Variants in LAMTOR3 observed in about 807,000 individuals in gnomAD.
LAMTOR3 encodes ragulator complex protein LAMTOR3.
In LAMTOR3, 14 loss-of-function variants were observed where a neutral mutation model predicts 20.3. The observed-to-expected ratio is 0.69, with a 90% CI of 0.46 to 1.08. The LOEUF (loss-of-function observed/expected upper bound fraction) is 1.08, where lower values mean the gene tolerates loss of function less well. Ranked by LOEUF, LAMTOR3 falls within the 50% of genes least tolerant of loss-of-function variation. The pLI is 0.00. For missense variants in LAMTOR3, 125 were observed against 143.7 expected (o/e 0.87, Z 0.67); for synonymous variants, 40 against 49.4 (o/e 0.81, Z 0.80).
chr4:99,887,411 G>A lies in LAMTOR3; in HGVS notation c.45-57C>T, dbSNP rs917376390. On this transcript the variant is annotated intron_variant, in intron 3 of 6. Transcript: ENST00000499666. ...AAGTTAAAATATAAAATTTTAAAAAGTTAAAATATAAAATATTTCATTTTC... is the reference window on the plus strand; with the variant it reads ...AAGTTAAAATATAAAATTTTAAAAAATTAAAATATAAAATATTTCATTTTC... 49 of 775,162 alleles carry A rather than the reference G, an allele frequency of 6.3e-5. No homozygotes were observed. In the African/African-American group the frequency reaches 8.7e-4, roughly 14 times the overall value. The allele number at this position is 775,162 out of a possible 1,614,324, so 48.0% of individuals were successfully genotyped here. A position where few individuals can be genotyped will look rare whatever the true frequency, so the allele number is the denominator to read the frequency against.
chr4:99,893,450 C>G (rs1725062851), intron 2 of LAMTOR3, among the ~76,000 whole-genome samples: 1 of 152,006 alleles, frequency 6.6e-6, no homozygotes, highest in Non-Finnish European at 1.5e-5. Context: ...TTCTCCAAAC[C>G]CGACTGATCA....
chr4:99,893,842 GGGCT>G (rs920838295), intron 2 of LAMTOR3, 109 bp downstream of exon 2: 6 of 704,230 alleles, frequency 8.5e-6, no homozygotes, highest in Non-Finnish European at 8.9e-6. Flanking sequence ...GGGATGGGTG[GGGCT>G]GGGAGGATCA....
At chr4:99,883,875 A>G (rs1724871978) in intron 6 of LAMTOR3, among the ~76,000 whole-genome samples, 187 bp downstream of exon 6, 1 of 152,084 alleles carries the variant, frequency 6.6e-6, no homozygotes, top group African/African-American at 2.4e-5. Context: ...TCTCCATTAT[A>G]CAGATATGGA....
At chr4:99,882,698 CAA>C (rs1488681547) in intron 6 of LAMTOR3, among the ~76,000 whole-genome samples, 1 of 151,900 alleles carries the variant, frequency 6.6e-6, no homozygotes, top group African/African-American at 2.4e-5. Flanking sequence ...CAGATTATAT[CAA>C]AAGATAGGTG....
chr4:99,893,755 T>C (rs907982286), intron 2 of LAMTOR3, among the ~76,000 whole-genome samples, 200 bp downstream of exon 2: 5 of 152,088 alleles, frequency 3.3e-5, no homozygotes, highest in African/African-American at 9.7e-5. Flanking sequence ...ACACCCCCAT[T>C]CGAGGCAGAA....
intron 3 of LAMTOR3, among the ~76,000 whole-genome samples, chr4:99,890,094 T>C (rs1306543839): frequency 6.6e-6 from 1 of 152,186 alleles, no homozygotes; most frequent in Admixed American, 6.5e-5. Context: ...TACTACACTT[T>C]TAGAAGAAAT....
chr4:99,882,616 T>C lies in LAMTOR3; in HGVS notation c.302-549A>G, dbSNP rs188577834. On this transcript the variant is annotated intron_variant, in intron 6 of 6. Transcript: ENST00000499666. Reference sequence around the variant, plus strand: ...ATTTATACCTTACTGCTTCAAAATTTGCCTTGACTCAGAAATAATACATAT... The same window carrying C: ...ATTTATACCTTACTGCTTCAAAATTCGCCTTGACTCAGAAATAATACATAT... Among the ~76,000 whole-genome samples, 637 of 152,170 alleles carry C rather than the reference T, an allele frequency of 4.2e-3. 6 individuals are homozygous for C. The highest frequency in any genetic ancestry group is 0.014 in the African/African-American group (595 of 41,560).
chr4:99,888,285 G>C (rs971419446), intron 3 of LAMTOR3, among the ~76,000 whole-genome samples: 4 of 152,194 alleles, frequency 2.6e-5, no homozygotes, highest in African/African-American at 9.7e-5. Context: ...GGCATGTAAA[G>C]TGTAGGCTGG....
At position 99,880,791 on chromosome 4, in the gene LAMTOR3, A is replaced by G. The variant is rs574765186; in HGVS notation, c.*1203T>C. On this transcript the variant is annotated 3_prime_UTR_variant, in exon 7 of 7. Coordinates refer to ENST00000499666, the MANE Select transcript of LAMTOR3 (RefSeq NM_021970.4). ...CGGCTGACTGGCACACAGGTGCTCA[A>G]TGCATATGTACTGAACTGATCCAGG... is the stretch of plus-strand genomic sequence containing the variant. 6 of 152,364 alleles carry G rather than the reference A, an allele frequency of 3.9e-5. No individual in the cohort carries two copies. The highest frequency in any genetic ancestry group is 1.4e-4 in the African/African-American group (6 of 41,580). The allele number at this position is 152,364 out of a possible 1,614,324, so 9.4% of individuals were successfully genotyped here.
chr4:99,878,782 G>A lies in LAMTOR3; in HGVS notation c.*3212C>T, dbSNP rs925086504. On this transcript the variant is annotated 3_prime_UTR_variant, in exon 7 of 7. Coordinates refer to ENST00000499666, the MANE Select transcript of LAMTOR3 (RefSeq NM_021970.4). ...TCCTCTGTAATTTATTATCTAAAGT[G>A]AGACATTGAGAATGAAAGCACTATT... 2.6e-5 allele frequency: 4 copies of A among 152,170 alleles called. No individual in the cohort carries two copies. Among genetic ancestry groups the A allele is most frequent in the African/African-American group, 9.7e-5 (4 of 41,432 alleles). The allele number at this position is 152,170 out of a possible 1,614,324, so 9.4% of individuals were successfully genotyped here. A position where few individuals can be genotyped will look rare whatever the true frequency, so the allele number is the denominator to read the frequency against.
intron 5 of LAMTOR3, among the ~76,000 whole-genome samples, chr4:99,884,970 G>GAA (rs941123142): frequency 8.1e-6 from 1 of 123,572 alleles, no homozygotes. Context: ...TGTCTTGGAA[G>GAA]AAAAAAAAAA....
Position 99,885,611 on chromosome 4 carries a change from T to G in LAMTOR3, c.168A>C (p.Ala56=). Residue 56 remains alanine, a synonymous_variant, in exon 5 of 7, where the codon GCA becomes GCC. Transcript: ENST00000499666. ...RPGFLSTFAL[A]TDQGSKLGLS... is the part of the protein sequence containing the mutation. ...GTCCAAGTTTGCTTCCTTGGTCTGT[T>G]GCAAGGGCAAAAGTGGATAAGAAAC... is the stretch of plus-strand genomic sequence containing the variant. 6.2e-7 allele frequency: 1 copy of G among 1,613,682 alleles called. No individual in the cohort carries two copies. Among genetic ancestry groups the G allele is most frequent in the Non-Finnish European group, 8.5e-7 (1 of 1,179,676 alleles).
intron 2 of LAMTOR3, 113 bp downstream of exon 2, chr4:99,893,842 G>A: frequency 1.4e-6 from 1 of 704,348 alleles, no homozygotes. Context: ...GGGATGGGTG[G>A]GGCTGGGAGG....
intron 1 of LAMTOR3, 133 bp from the exon 2 acceptor site, chr4:99,894,133 C>A (rs1324380222): frequency 3.9e-6 from 2 of 510,554 alleles, no homozygotes; most frequent in African/African-American, 3.9e-5. Flanking sequence ...GCCCAGCGAG[C>A]CCAGTGGGAG....
chr4:99,892,707 T>A (rs1725044577), intron 2 of LAMTOR3, among the ~76,000 whole-genome samples: 1 of 150,470 alleles, frequency 6.6e-6, no homozygotes, highest in African/African-American at 2.4e-5. Flanking sequence ...AGACGGAGTT[T>A]CGCTCTTGTT....
intron 1 of LAMTOR3, among the ~76,000 whole-genome samples, 158 bp from the exon 2 acceptor site, chr4:99,894,158 C>T (rs1468692615): frequency 6.6e-6 from 1 of 152,116 alleles, no homozygotes; most frequent in Non-Finnish European, 1.5e-5. Flanking sequence ...AGTGCCCCAG[C>T]ACCCCCACAG....
intron 4 of LAMTOR3, among the ~76,000 whole-genome samples, chr4:99,887,022 C>G (rs543179740): frequency 1.3e-4 from 20 of 152,170 alleles, no homozygotes; most frequent in Middle Eastern, 6.8e-3. Flanking sequence ...TAATGGTTTA[C>G]GTTACACTGT....
In LAMTOR3 at chr4:99,892,039, A is replaced by AAG. The variant is rs1312180826; in HGVS notation, c.10-7_10-6dup. ...ATACAAGAATCGCTTTAGGTCCTGA[A>AAG]AGAGAGCATTAAAAAATAATGTTGT... is the stretch of plus-strand genomic sequence containing the variant. On this transcript the variant is annotated splice_polypyrimidine_tract_variant and splice_region_variant and intron_variant, in intron 2 of 6. Coordinates refer to ENST00000499666, the MANE Select transcript of LAMTOR3 (RefSeq NM_021970.4). 6.4e-7 allele frequency: 1 copy of AAG among 1,567,044 alleles called. No individual in the cohort carries two copies. The highest frequency in any genetic ancestry group is 2.4e-5 in the East Asian group (1 of 42,256).
In LAMTOR3 at chr4:99,883,702, T is replaced by G. The variant is rs192865775; in HGVS notation, c.301+360A>C. Among the ~76,000 whole-genome samples, 296 of 151,920 alleles carry G rather than the reference T, an allele frequency of 1.9e-3. 2 individuals carry two copies. Among genetic ancestry groups the G allele is most frequent in the Middle Eastern group, 0.01 (3 of 294 alleles). On this transcript the variant is annotated intron_variant, in intron 6 of 6. Coordinates refer to ENST00000499666, the MANE Select transcript of LAMTOR3 (RefSeq NM_021970.4). ...CATTTTAATGCGTTTTGTTGGGTTA[T>G]CTTCACCTTGTTTTCTTAAACTGCT...
Sources: allele counts gnomAD v4.1 joint callset (sites outside exome capture counted in the v4.1 genomes callset), GRCh38; gene constraint gnomAD v4.1.1; transcripts MANE v1.5; gene names NCBI Gene and HGNC (gene_info 2026-07-23, HGNC 2026-07-21).